The following ABCC12 variants were observed in gnomAD, a reference collection of about 807,000 sequenced individuals.
The protein encoded by ABCC12 is ATP-binding cassette sub-family C member 12.
ABCC12 carries 142 observed loss-of-function variants against 151.1 expected under a neutral mutation model. The ratio of observed to expected loss-of-function variants is 0.94; its 90% CI spans 0.82 to 1.08. The LOEUF (loss-of-function observed/expected upper bound fraction) is 1.08, where lower values mean the gene tolerates loss of function less well. Among genes scored for constraint, ABCC12 ranks in the 50% least tolerant of loss-of-function variants. The pLI, the probability that ABCC12 is intolerant of heterozygous loss-of-function variation, is 0.00. For synonymous variants in ABCC12, 645 were observed against 646.4 expected, an observed-to-expected ratio of 1.00 and a Z score of 0.03; for missense variants, 1,638 against 1,691.1, an observed-to-expected ratio of 0.97 and a Z score of 0.55.
Position 48,143,916 on chromosome 16 carries a change from G to A in ABCC12, c.269C>T (p.Ala90Val). 2.5e-6 allele frequency: 4 copies of A among 1,613,274 alleles called. No homozygotes were observed. Residue 90 changes from alanine (A) to valine (V), a missense_variant, in exon 4 of 31, where the codon GCC becomes GTC. By Grantham distance (64) the Ala-to-Val change is moderately conservative. Coordinates refer to ENST00000311303, the MANE Select transcript of ABCC12 (RefSeq NM_001393797.1). ...LSTYDSSDTN[A>V]KRFRVLWDEE... ...CCCAAGCAAATCCTGGTACCTTTTG[G>A]CATTGGTGTCAGATGAGTCATATGT...
Position 48,101,029 on chromosome 16 carries a change from G to A in ABCC12, c.2901-20C>T. ...AAAATGCTGGAAGAAAATTGAAAGG[G>A]GCCAGGTGGGCCACAAAGTGAGGTC... On this transcript the variant is annotated intron_variant, in intron 22 of 30. Transcript: ENST00000311303. 1 of 1,611,702 alleles carries A rather than the reference G, an allele frequency of 6.2e-7. No homozygotes were observed. The highest frequency in any genetic ancestry group is 1.1e-5 in the South Asian group (1 of 90,500).
At chr16:48,101,852 T>C (rs1272178682) in intron 22 of ABCC12, among the ~76,000 whole-genome samples, 1 of 152,154 alleles carries the variant, frequency 6.6e-6, no homozygotes, top group Non-Finnish European at 1.5e-5. Flanking sequence ...AAAAGGAACA[T>C]GAGCCCAAAG....
intron 15 of ABCC12, among the ~76,000 whole-genome samples, chr16:48,114,457 C>T (rs138849471): frequency 1.3e-5 from 2 of 152,180 alleles, no homozygotes; most frequent in African/African-American, 4.8e-5. Context: ...AGACCTGCTT[C>T]CTGCCCCCAG....
chr16:48,105,472 A>C (rs913295189), intron 20 of ABCC12, 136 bp from the exon 21 acceptor site: 1 of 896,768 alleles, frequency 1.1e-6, no homozygotes, highest in African/African-American at 1.7e-5. Flanking sequence ...AGGTGGATAC[A>C]ATCTAGTCTG....
intron 13 of ABCC12, among the ~76,000 whole-genome samples, chr16:48,118,758 G>A (rs773120846): frequency 6.6e-6 from 1 of 152,240 alleles, no homozygotes; most frequent in Non-Finnish European, 1.5e-5. Flanking sequence ...AAACTTTGGG[G>A]TTGGTGTACA....
In ABCC12 at chr16:48,083,957, G is replaced by T; in HGVS notation, c.3945C>A (p.Leu1315=). ...GCTVLTIAHR[L]NTVLNCDHVL... Reference sequence around the variant, plus strand: ...CGTGATCGCAGTTGAGAACTGTGTTGAGGCGGTGGGCGATGGTCAGCACAG... The same window carrying T: ...CGTGATCGCAGTTGAGAACTGTGTTTAGGCGGTGGGCGATGGTCAGCACAG... The change falls in exon 30 of 31, where the codon CTC becomes CTA. Residue 1315 remains leucine (L), a synonymous_variant. Coordinates refer to ENST00000311303, the MANE Select transcript of ABCC12 (RefSeq NM_001393797.1). The T allele has an allele frequency of 6.2e-7, 1 of 1,613,268 alleles. No homozygotes were observed. Among genetic ancestry groups the T allele is most frequent in the Non-Finnish European group, 8.5e-7 (1 of 1,179,858 alleles).
At position 48,128,664 on chromosome 16, in the gene ABCC12, GC is replaced by G. The variant is rs1400547300; in HGVS notation, c.1309del (p.Ala437GlnfsTer5). Reference protein sequence around the residue: ...PEDPDTVLLLANATLTWEHEA... With the variant: ...PEDPDTVLLLXNATLTWEHEA... ...ATGCTCCCATGTCAAGGTGGCATTT[GC>G]TAAAAGCAAGACAGTATCTGGGTCT... On this transcript the variant is annotated frameshift_variant, in exon 11 of 31. Transcript: ENST00000311303. LOFTEE classifies it high-confidence loss of function. 1.6e-5 allele frequency: 26 copies of G among 1,614,062 alleles called. No individual in the cohort carries two copies. Among genetic ancestry groups the G allele is most frequent in the Non-Finnish European group, 2.2e-5 (26 of 1,180,052 alleles).
intron 6 of ABCC12, among the ~76,000 whole-genome samples, chr16:48,139,544 A>C (rs963856305): frequency 6.6e-6 from 1 of 152,098 alleles, no homozygotes; most frequent in Non-Finnish European, 1.5e-5. Flanking sequence ...TGATCATCTC[A>C]ATGCAGAAAG....
At chr16:48,135,404 C>G (rs1964575894) in intron 8 of ABCC12, among the ~76,000 whole-genome samples, 2 of 152,100 alleles carry the variant, frequency 1.3e-5, no homozygotes. Flanking sequence ...ATATTTGAGA[C>G]AGAGTATTGC....
intron 4 of ABCC12, among the ~76,000 whole-genome samples, chr16:48,142,425 A>C: frequency 6.6e-6 from 1 of 152,228 alleles, no homozygotes; most frequent in South Asian, 2.1e-4. Context: ...CAAGGATCTA[A>C]GTGGACATTG....
At chr16:48,096,672 A>T in intron 24 of ABCC12, 74 bp downstream of exon 24, 1 of 1,513,214 alleles carries the variant, frequency 6.6e-7, no homozygotes. Context: ...TGTTGTGTCC[A>T]TCCAAAAGCA....
chr16:48,123,510 G>A (rs1008688117), intron 12 of ABCC12, among the ~76,000 whole-genome samples: 21 of 152,166 alleles, frequency 1.4e-4, no homozygotes, highest in African/African-American at 4.6e-4. Context: ...CACTTCTTCA[G>A]AAGTACCCCG....
intron 2 of ABCC12, among the ~76,000 whole-genome samples, chr16:48,150,784 A>C (rs1008519584): frequency 8.5e-5 from 13 of 152,196 alleles, no homozygotes; most frequent in African/African-American, 3.1e-4. Flanking sequence ...TAGTGCATAA[A>C]CACATATCTA....
chr16:48,101,966 T>A (rs939881155), intron 22 of ABCC12, among the ~76,000 whole-genome samples: 1 of 152,200 alleles, frequency 6.6e-6, no homozygotes, highest in Non-Finnish European at 1.5e-5. Context: ...GTTTGGAGAC[T>A]CAGACCATTT....
At chr16:48,139,426 A>C in intron 6 of ABCC12, 90 bp from the exon 7 acceptor site, 1 of 1,372,244 alleles carries the variant, frequency 7.3e-7, no homozygotes, top group Non-Finnish European at 9.9e-7. Flanking sequence ...GAGGGGATCT[A>C]GGGAGAAAGG....
intron 20 of ABCC12, among the ~76,000 whole-genome samples, chr16:48,106,270 T>C (rs573757861): frequency 2.6e-5 from 4 of 152,304 alleles, no homozygotes; most frequent in African/African-American, 4.8e-5. Flanking sequence ...CCTTTGATTG[T>C]GCTGGGGCAC....
chr16:48,107,256 C>A, intron 20 of ABCC12, 66 bp downstream of exon 20: 1 of 1,463,118 alleles, frequency 6.8e-7, no homozygotes. Context: ...CAGTCAGATG[C>A]TCTGGCAGCA....
Position 48,115,597 on chromosome 16 carries a change from G to C in ABCC12, c.1807C>G (p.Leu603Val), listed in dbSNP as rs369032761. The change falls in exon 15 of 31, where the codon CTC becomes GTC. Residue 603 changes from leucine (L) to valine (V), a missense_variant. Transcript: ENST00000311303. ...ATCCTCTGCCTCTGCCCCCCAGAGA[G>C]GTTGAGGCCCCGCTCCCCAATCTGT... ...LTEIGERGLN[L>V]SGGQRQRISL... 4 of 1,613,780 alleles carry C rather than the reference G, an allele frequency of 2.5e-6. No homozygotes were observed. The highest frequency in any genetic ancestry group is 3.4e-6 in the Non-Finnish European group (4 of 1,179,896).
intron 15 of ABCC12, 142 bp from the exon 16 acceptor site, chr16:48,112,052 A>G: frequency 9.3e-7 from 1 of 1,075,662 alleles, no homozygotes; most frequent in Non-Finnish European, 1.3e-6. Flanking sequence ...GCATTGTAGG[A>G]TATTTACCAC....
Sources: gnomAD v4.1 joint callset for allele counts (sites outside exome capture counted in the v4.1 genomes callset) on GRCh38, gnomAD v4.1.1 for gene constraint, MANE v1.5 for transcripts, NCBI Gene and HGNC (gene_info 2026-07-23, HGNC 2026-07-21) for gene names.